Variants in DCLK1 observed in about 807,000 individuals in gnomAD.
DCLK1 encodes doublecortin like kinase 1.
DCLK1 carries 16 observed loss-of-function variants against 86.2 expected under a neutral mutation model. That is an observed-to-expected ratio of 0.19 (90% confidence interval 0.13 to 0.28). The LOEUF (loss-of-function observed/expected upper bound fraction) is 0.28. Ranked by LOEUF, DCLK1 falls within the 10% of genes least tolerant of loss-of-function variation. DCLK1 has a pLI of 1.00. For synonymous variants in DCLK1, 369 were observed against 370.5 expected, an observed-to-expected ratio of 1.00 and a Z score of 0.05; for missense variants, 590 against 940.2, an observed-to-expected ratio of 0.63 and a Z score of 4.87.
chr13:35,857,273 C>A (rs928459281), intron 5 of DCLK1, among the ~76,000 whole-genome samples: 2 of 152,112 alleles, frequency 1.3e-5, no homozygotes, highest in South Asian at 4.2e-4. Flanking sequence ...ACCCTTTGCT[C>A]ATTTATAGTA....
At position 36,130,680 on chromosome 13, in the gene DCLK1, G is replaced by C. The variant is rs542789004; in HGVS notation, c.-20+434C>G. 4.6e-5 allele frequency among the ~76,000 whole-genome samples: 7 copies of C among 152,140 alleles called. No homozygotes were observed. In the East Asian group the frequency reaches 1.2e-3, roughly 25 times the overall value. On this transcript the variant is annotated intron_variant, in intron 1 of 16. Transcript: ENST00000360631. ...ATCCACAAGCACACATCACTGGCCC[G>C]GGCACACGGAAAAGCACACACACAA...
chr13:35,917,930 C>T (rs992643108), intron 4 of DCLK1, among the ~76,000 whole-genome samples: 13 of 152,206 alleles, frequency 8.5e-5, no homozygotes, highest in African/African-American at 2.6e-4. Context: ...CAGGCAGCCA[C>T]GGGCAAGGGC....
chr13:35,810,805 A>G (rs1213581877), intron 12 of DCLK1, 30 bp downstream of exon 12: 2 of 1,610,138 alleles, frequency 1.2e-6, no homozygotes, highest in Non-Finnish European at 8.5e-7. Flanking sequence ...TTTTGCAAGC[A>G]TAGCACTTAA....
chr13:36,004,879 G>A (rs918208785), intron 3 of DCLK1, among the ~76,000 whole-genome samples: 1 of 152,138 alleles, frequency 6.6e-6, no homozygotes, highest in Admixed American at 6.6e-5. Context: ...CACCTGGCCT[G>A]TTCACAAGTT....
At chr13:36,022,440 G>A (rs1043387765) in intron 3 of DCLK1, among the ~76,000 whole-genome samples, 124 of 151,924 alleles carry the variant, frequency 8.2e-4, no homozygotes, top group African/African-American at 2.7e-3. Context: ...AATACAGAAT[G>A]TTTTTAATTG....
chr13:36,071,598 G>A (rs951303417), intron 3 of DCLK1, among the ~76,000 whole-genome samples: 8 of 152,154 alleles, frequency 5.3e-5, no homozygotes, highest in African/African-American at 1.2e-4. Context: ...AAGTATGGGT[G>A]TTAGATGCTG....
In DCLK1 at chr13:36,034,259, GGTT is replaced by G. The variant is rs1237986313; in HGVS notation, c.723+77607_723+77609del. 2.2e-4 allele frequency among the ~76,000 whole-genome samples: 34 copies of G among 152,078 alleles called. 1 individual carries two copies. The highest frequency in any genetic ancestry group is 2.9e-5 in the Non-Finnish European group (2 of 68,012). ...GAATTAAGGATAATAGAAACTTCGT[GGTT>G]GTTTTCTCCCAGAATAGAATCAATA... On this transcript the variant is annotated intron_variant, in intron 3 of 16. Coordinates refer to ENST00000360631, the MANE Select transcript of DCLK1 (RefSeq NM_001330071.2).
chr13:35,848,390 T>C (rs1196899953), intron 6 of DCLK1: 1 of 984,750 alleles, frequency 1.0e-6, no homozygotes, highest in East Asian at 1.1e-4. Flanking sequence ...CTATAAATGG[T>C]GTGCTGTTTC....
At chr13:36,007,868 A>G (rs1041295159) in intron 3 of DCLK1, among the ~76,000 whole-genome samples, 1 of 152,130 alleles carries the variant, frequency 6.6e-6, no homozygotes, top group African/African-American at 2.4e-5. Context: ...TAATTATGTT[A>G]TATTTAGTAT....
At chr13:35,822,353 G>A (rs1926453) in intron 11 of DCLK1, among the ~76,000 whole-genome samples, 2 of 151,914 alleles carry the variant, frequency 1.3e-5, no homozygotes, top group Admixed American at 6.6e-5. Context: ...AGAGATGGGG[G>A]TCTCACTATG....
At chr13:36,077,458 G>T (rs1368664426) in intron 3 of DCLK1, among the ~76,000 whole-genome samples, 1 of 151,906 alleles carries the variant, frequency 6.6e-6, no homozygotes, top group East Asian at 1.9e-4. Flanking sequence ...TTGTTAAGAG[G>T]GTATTAAATA....
chr13:36,029,601 C>T (rs1033197359), intron 3 of DCLK1, among the ~76,000 whole-genome samples: 2 of 152,118 alleles, frequency 1.3e-5, no homozygotes, highest in African/African-American at 4.8e-5. Context: ...CAAGCAGAAT[C>T]CCAGTGCTCT....
chr13:35,940,303 A>T (rs1343187732), intron 4 of DCLK1, among the ~76,000 whole-genome samples: 1 of 152,134 alleles, frequency 6.6e-6, no homozygotes, highest in African/African-American at 2.4e-5. Context: ...AAAAAAAAAA[A>T]AAATAAGTTA....
At chr13:36,027,248 C>A (rs1196863872) in intron 3 of DCLK1, among the ~76,000 whole-genome samples, 1 of 152,174 alleles carries the variant, frequency 6.6e-6, no homozygotes, top group Non-Finnish European at 1.5e-5. Context: ...GCATTAGATT[C>A]TCATAAGGAG....
intron 4 of DCLK1, among the ~76,000 whole-genome samples, chr13:35,932,180 G>C (rs1876480107): frequency 6.6e-6 from 1 of 152,194 alleles, no homozygotes; most frequent in African/African-American, 2.4e-5. Flanking sequence ...AGATGAAGGA[G>C]AAATTTACCT....
chr13:35,877,368 C>T (rs1310836286), intron 4 of DCLK1, among the ~76,000 whole-genome samples: 1 of 152,154 alleles, frequency 6.6e-6, no homozygotes, highest in Non-Finnish European at 1.5e-5. Context: ...ATAGAAGGTG[C>T]TGAAGAATAG....
chr13:36,107,253 C>T (rs557770753), intron 3 of DCLK1, among the ~76,000 whole-genome samples: 1 of 151,634 alleles, frequency 6.6e-6, no homozygotes, highest in East Asian at 1.9e-4. Flanking sequence ...GCTACCCATA[C>T]TTCAGCTGAG....
At chr13:35,983,019 C>CAGTTGGGA (rs2153141994) in intron 3 of DCLK1, among the ~76,000 whole-genome samples, 1 of 152,204 alleles carries the variant, frequency 6.6e-6, no homozygotes, top group Non-Finnish European at 1.5e-5. Flanking sequence ...CCGCCATGGC[C>CAGTTGGGA]TCTCAAAGTG....
chr13:35,795,000 A>G (rs1365676826), intron 15 of DCLK1, among the ~76,000 whole-genome samples: 1 of 152,154 alleles, frequency 6.6e-6, no homozygotes, highest in Non-Finnish European at 1.5e-5. Flanking sequence ...GAGACAAAAC[A>G]TGCACACACT....
Sources: allele counts gnomAD v4.1 joint callset (sites outside exome capture counted in the v4.1 genomes callset), GRCh38; gene constraint gnomAD v4.1.1; transcripts MANE v1.5; gene names NCBI Gene and HGNC (gene_info 2026-07-23, HGNC 2026-07-21).